DPP4: variants seen among roughly 807,000 people sequenced by gnomAD.
DPP4 encodes dipeptidyl peptidase 4.
Under a neutral mutation model 122.4 loss-of-function variants are expected in DPP4, and 93 were observed. The observed-to-expected ratio is 0.76, with a 90% CI of 0.64 to 0.90. The LOEUF (loss-of-function observed/expected upper bound fraction) is 0.90. Ranked by LOEUF, DPP4 falls within the 40% of genes least tolerant of loss-of-function variation. The pLI is 0.00. For missense variants in DPP4, 914 were observed against 907.3 expected (o/e 1.01, Z -0.09); for synonymous variants, 321 against 302.9 (o/e 1.06, Z -0.62).
chr2:162,018,235 G>C (rs992752026), intron 16 of DPP4, among the ~76,000 whole-genome samples: 1 of 152,182 alleles, frequency 6.6e-6, no homozygotes, highest in African/African-American at 2.4e-5. Context: ...GGGATGGCTC[G>C]GGCGGCAGAG....
At chr2:161,997,718 T>A (rs935499432) in intron 23 of DPP4, among the ~76,000 whole-genome samples, 4 of 152,190 alleles carry the variant, frequency 2.6e-5, no homozygotes, top group African/African-American at 9.6e-5. Flanking sequence ...GCATCACATA[T>A]AAATAAGGGT....
chr2:161,999,834 T>C (rs1250445340), intron 23 of DPP4, among the ~76,000 whole-genome samples: 6 of 152,322 alleles, frequency 3.9e-5, no homozygotes, highest in Middle Eastern at 3.4e-3. Flanking sequence ...GCAGCTGCCA[T>C]GTTTTGAAAG....
At chr2:162,038,465 C>T (rs752824331) in intron 7 of DPP4, 43 bp from the exon 8 acceptor site, 2 of 1,556,708 alleles carry the variant, frequency 1.3e-6, no homozygotes, top group South Asian at 1.2e-5. Context: ...TAATACATGT[C>T]ATATTTTTAT....
chr2:162,065,813 G>A (rs1381899833), intron 2 of DPP4, among the ~76,000 whole-genome samples: 1 of 152,164 alleles, frequency 6.6e-6, no homozygotes, highest in Non-Finnish European at 1.5e-5. Context: ...TACTAGAAGG[G>A]CACTTAGCTC....
chr2:162,072,789 G>A (rs1384595043), intron 2 of DPP4, among the ~76,000 whole-genome samples: 1 of 152,124 alleles, frequency 6.6e-6, no homozygotes, highest in Non-Finnish European at 1.5e-5. Context: ...ACTGATTCCA[G>A]ACCCTTCTTA....
intron 10 of DPP4, among the ~76,000 whole-genome samples, chr2:162,029,297 A>G (rs1683456665): frequency 6.6e-6 from 1 of 152,234 alleles, no homozygotes; most frequent in South Asian, 2.1e-4. Context: ...TCAACTGGAA[A>G]TCATATTGGA....
chr2:162,024,741 C>T, intron 11 of DPP4, 63 bp downstream of exon 11: 3 of 1,580,076 alleles, frequency 1.9e-6, no homozygotes, highest in Non-Finnish European at 2.6e-6. Flanking sequence ...TCACTCTCCC[C>T]AACTGCACAG....
intron 20 of DPP4, among the ~76,000 whole-genome samples, 186 bp downstream of exon 20, chr2:162,011,607 A>G (rs923635899): frequency 1.3e-5 from 2 of 152,080 alleles, no homozygotes; most frequent in African/African-American, 2.4e-5. Context: ...TGAACTTCAT[A>G]TCAATCTATA....
In DPP4 at chr2:162,005,826, A is replaced by T. The variant is rs1171648319; in HGVS notation, c.1988-17T>A. 1 of 1,606,364 alleles carries T rather than the reference A, an allele frequency of 6.2e-7. No individual in the cohort carries two copies. The highest frequency in any genetic ancestry group is 8.5e-7 in the Non-Finnish European group (1 of 1,176,996). On this transcript the variant is annotated splice_polypyrimidine_tract_variant and intron_variant, in intron 22 of 25. Transcript: ENST00000360534. ...ACACTGAGTCTGTGAAAGAAAAAAAAATAAAAAAAAGTTTAATTCATACAA... is the reference window on the plus strand; with the variant it reads ...ACACTGAGTCTGTGAAAGAAAAAAATATAAAAAAAAGTTTAATTCATACAA...
intron 23 of DPP4, among the ~76,000 whole-genome samples, chr2:161,997,026 GA>G (rs1276581185): frequency 6.6e-6 from 1 of 152,044 alleles, no homozygotes; most frequent in Non-Finnish European, 1.5e-5. Flanking sequence ...AGTGTTTCTG[GA>G]AAAAAGACAT....
chr2:162,041,721 C>A (rs1036595182), intron 5 of DPP4, among the ~76,000 whole-genome samples: 1 of 152,114 alleles, frequency 6.6e-6, no homozygotes, highest in East Asian at 1.9e-4. Context: ...TGACAAACCA[C>A]CATGGGTTGT....
In DPP4 at chr2:162,033,551, T is replaced by C. The variant is rs753347153; in HGVS notation, c.877A>G (p.Met293Val). ...TSIQITAPAS[M>V]LIGDHYLCDV... ...GGACAAGAGTCTTACCCTATCAACA[T>C]AGAAGCAGGAGCAGTGATTTGTATG... Residue 293 changes from methionine to valine, a missense_variant, in exon 10 of 26, where the codon ATG becomes GTG. Transcript: ENST00000360534. The C allele has an allele frequency of 9.3e-6, 15 of 1,611,736 alleles. No individual in the cohort carries two copies. The highest frequency in any genetic ancestry group is 4.4e-5 in the South Asian group (4 of 90,892).
chr2:162,002,390 T>A (rs1701171798), intron 23 of DPP4, among the ~76,000 whole-genome samples: 1 of 152,206 alleles, frequency 6.6e-6, no homozygotes, highest in African/African-American at 2.4e-5. Flanking sequence ...AAAACTGCAT[T>A]TTCTTCCAAA....
chr2:162,028,061 A>C (rs1242503724), intron 10 of DPP4, among the ~76,000 whole-genome samples: 1 of 151,764 alleles, frequency 6.6e-6, no homozygotes, highest in Non-Finnish European at 1.5e-5. Flanking sequence ...ATCATTTAAA[A>C]AAAAAAAAAA....
chr2:161,995,642 C>G (rs950276717), intron 23 of DPP4, among the ~76,000 whole-genome samples: 2 of 152,298 alleles, frequency 1.3e-5, no homozygotes, highest in Admixed American at 6.5e-5. Flanking sequence ...TGCAAAACCC[C>G]TTGAGTCCCA....
At chr2:162,047,524 T>A in intron 2 of DPP4, 23 bp from the exon 3 acceptor site, 1 of 1,499,956 alleles carries the variant, frequency 6.7e-7, no homozygotes, top group Non-Finnish European at 9.1e-7. Context: ...AAGAGCCAAA[T>A]GTTCATTTCA....
At chr2:161,993,480 TG>T (rs570091449) in intron 25 of DPP4, 96 bp from the exon 26 acceptor site, 39 of 884,892 alleles carry the variant, frequency 4.4e-5, no homozygotes, top group Non-Finnish European at 6.6e-5. Context: ...CGAGCATACA[TG>T]GTATAAAACA....
At chr2:161,993,513 A>G in intron 25 of DPP4, 129 bp from the exon 26 acceptor site, 1 of 642,564 alleles carries the variant, frequency 1.6e-6, no homozygotes, top group Non-Finnish European at 2.6e-6. Flanking sequence ...TTCCTGAGGC[A>G]GTTTATAAAC....
intron 10 of DPP4, among the ~76,000 whole-genome samples, chr2:162,029,230 A>C (rs1402711639): frequency 6.6e-6 from 1 of 152,232 alleles, no homozygotes; most frequent in Non-Finnish European, 1.5e-5. Flanking sequence ...AATTCCCTTA[A>C]TTTGTGTAAA....
Sources: gnomAD v4.1 joint callset for allele counts (sites outside exome capture counted in the v4.1 genomes callset) on GRCh38, gnomAD v4.1.1 for gene constraint, MANE v1.5 for transcripts, NCBI Gene and HGNC (gene_info 2026-07-23, HGNC 2026-07-21) for gene names.